The following KALRN variants were observed in gnomAD, a reference collection of about 807,000 sequenced individuals.
The protein encoded by KALRN is kalirin.
Under a neutral mutation model 353.7 loss-of-function variants are expected in KALRN, and 70 were observed. The observed-to-expected ratio is 0.20, with a 90% CI of 0.16 to 0.24. The LOEUF is 0.24. Ranked by LOEUF, KALRN falls within the 10% of genes least tolerant of loss-of-function variation. The probability of loss-of-function intolerance (pLI) is 1.00; values close to 1 mark genes in which losing one functional copy is unlikely to be tolerated. For missense variants in KALRN, 2,791 were observed against 3,756.7 expected (o/e 0.74, Z 6.72); for synonymous variants, 1,391 against 1,434.8 (o/e 0.97, Z 0.69).
In KALRN at chr3:124,314,077, A is replaced by G. The variant is rs192095911; in HGVS notation, c.1093-11903A>G. Among the ~76,000 whole-genome samples, 89 of 152,282 alleles carry G rather than the reference A, an allele frequency of 5.8e-4. No homozygotes were observed. The East Asian group carries it at 0.015, about 26-fold the overall frequency. ...TATGTTTATTGCGGCACTATTCACCATAGCAAAGACTTGGAACTAACCCAA... is the reference window on the plus strand; with the variant it reads ...TATGTTTATTGCGGCACTATTCACCGTAGCAAAGACTTGGAACTAACCCAA... On this transcript the variant is annotated intron_variant, in intron 6 of 59. Coordinates refer to ENST00000682506, the MANE Select transcript of KALRN (RefSeq NM_001388419.1).
At chr3:124,580,873 C>T (rs1021200047) in intron 34 of KALRN, among the ~76,000 whole-genome samples, 5 of 151,562 alleles carry the variant, frequency 3.3e-5, no homozygotes, top group South Asian at 2.1e-4. Context: ...TTTGGGAGGC[C>T]GAGGGGGGCA....
chr3:124,569,406 A>T (rs575638436), intron 34 of KALRN, among the ~76,000 whole-genome samples: 1 of 152,332 alleles, frequency 6.6e-6, no homozygotes, highest in African/African-American at 2.4e-5. Flanking sequence ...GGCAAGTTTG[A>T]TAATGTCGAC....
intron 23 of KALRN, among the ~76,000 whole-genome samples, chr3:124,461,249 A>AT (rs202028422): frequency 1.5e-4 from 23 of 151,550 alleles, no homozygotes; most frequent in South Asian, 1.3e-3. Context: ...AGCCACACTT[A>AT]TTTTTTTTTA....
intron 17 of KALRN, among the ~76,000 whole-genome samples, chr3:124,435,101 T>C (rs954985513): frequency 2.0e-5 from 3 of 152,242 alleles, no homozygotes; most frequent in African/African-American, 7.2e-5. Context: ...TCATATTCTC[T>C]TTCATCTCAT....
chr3:124,397,068 G>A, intron 12 of KALRN, among the ~76,000 whole-genome samples: 1 of 152,186 alleles, frequency 6.6e-6, no homozygotes, highest in Non-Finnish European at 1.5e-5. Flanking sequence ...GATTCCTAGT[G>A]AGTGTGACAC....
chr3:124,305,205 C>T (rs1443450635), intron 6 of KALRN, among the ~76,000 whole-genome samples: 3 of 152,194 alleles, frequency 2.0e-5, no homozygotes, highest in South Asian at 2.1e-4. Context: ...GAACTGATTT[C>T]ATGTGCAACA....
chr3:124,086,553 C>G (rs2060835282), intron 1 of KALRN, among the ~76,000 whole-genome samples: 1 of 151,994 alleles, frequency 6.6e-6, no homozygotes, highest in Non-Finnish European at 1.5e-5. Flanking sequence ...TTTCTAGGAA[C>G]TTTTTGTAAA....
chr3:124,666,333 C>A (rs1274480716), intron 45 of KALRN, 116 bp from the exon 46 acceptor site: 5 of 928,720 alleles, frequency 5.4e-6, no homozygotes, highest in Non-Finnish European at 8.2e-6. Context: ...AGCCCTGAGG[C>A]TTTTGTTGTC....
rs540803008 is a variant in KALRN at position 124,572,809 on chromosome 3, A to G, written c.5182+9720A>G. ...TCCCAACACTTTCAGAGGTTGAGGC[A>G]GGAGAACCTCTTGAGCCCAGGAGTT... On this transcript the variant is annotated intron_variant, in intron 34 of 59. Coordinates refer to ENST00000682506, the MANE Select transcript of KALRN (RefSeq NM_001388419.1). Among the ~76,000 whole-genome samples the G allele has an allele frequency of 8.5e-5, 13 of 152,318 alleles. No homozygotes were observed. In the Middle Eastern group the frequency reaches 0.02, roughly 239 times the overall value.
At chr3:124,204,841 C>T (rs1212616614) in intron 1 of KALRN, among the ~76,000 whole-genome samples, 3 of 152,210 alleles carry the variant, frequency 2.0e-5, no homozygotes, top group African/African-American at 7.2e-5. Flanking sequence ...CAGAATTTAA[C>T]TGCCTCCCCA....
At chr3:124,407,956 G>T (rs1173249324) in intron 13 of KALRN, among the ~76,000 whole-genome samples, 2 of 151,996 alleles carry the variant, frequency 1.3e-5, no homozygotes, top group African/African-American at 2.4e-5. Context: ...TGTATTTTTA[G>T]TAGAGACGGG....
At chr3:124,272,846 C>G (rs1308158894) in intron 5 of KALRN, among the ~76,000 whole-genome samples, 1 of 152,140 alleles carries the variant, frequency 6.6e-6, no homozygotes, top group African/African-American at 2.4e-5. Context: ...TATTTGGTGG[C>G]TTTGGAAGGG....
intron 1 of KALRN, among the ~76,000 whole-genome samples, chr3:124,205,688 A>G (rs2076350585): frequency 6.6e-6 from 1 of 152,196 alleles, no homozygotes; most frequent in South Asian, 2.1e-4. Context: ...GTTGAAAAAC[A>G]AGGTCAAATA....
At chr3:124,269,448 A>C (rs2073917736) in intron 5 of KALRN, among the ~76,000 whole-genome samples, 193 bp downstream of exon 5, 1 of 152,184 alleles carries the variant, frequency 6.6e-6, no homozygotes, top group African/African-American at 2.4e-5. Flanking sequence ...TGTTCTAAGC[A>C]CTGTGTGTAA....
At chr3:124,661,598 A>G (rs1457647538) in intron 44 of KALRN, among the ~76,000 whole-genome samples, 1 of 152,224 alleles carries the variant, frequency 6.6e-6, no homozygotes, top group African/African-American at 2.4e-5. Context: ...AAGGTAGGGA[A>G]AGGAGGGGCT....
chr3:124,716,264 TTGTA>T (rs2063128775), intron 58 of KALRN, among the ~76,000 whole-genome samples: 2 of 152,194 alleles, frequency 1.3e-5, no homozygotes, highest in African/African-American at 4.8e-5. Context: ...TGGCTCATGT[TTGTA>T]ATCCCACCGT....
chr3:124,442,997 GAAAAGAAAA>G (rs1393358835), intron 19 of KALRN, among the ~76,000 whole-genome samples: 2 of 151,086 alleles, frequency 1.3e-5, no homozygotes, highest in Admixed American at 6.6e-5. Flanking sequence ...AAAGAAAAAA[GAAAAGAAAA>G]AAAAGAAAAA....
chr3:124,273,688 A>G (rs2074400048), intron 5 of KALRN, among the ~76,000 whole-genome samples: 1 of 152,218 alleles, frequency 6.6e-6, no homozygotes, highest in African/African-American at 2.4e-5. Flanking sequence ...GAGAATGTTC[A>G]GAGAAGAGGG....
chr3:124,255,464 C>A (rs1437405711), intron 3 of KALRN, among the ~76,000 whole-genome samples: 2 of 152,168 alleles, frequency 1.3e-5, no homozygotes, highest in Non-Finnish European at 2.9e-5. Context: ...CTGGGCCAGC[C>A]ACAAAGTAAA....
Sources: gnomAD v4.1 joint callset for allele counts (sites outside exome capture counted in the v4.1 genomes callset) on GRCh38, gnomAD v4.1.1 for gene constraint, MANE v1.5 for transcripts, NCBI Gene and HGNC (gene_info 2026-07-23, HGNC 2026-07-21) for gene names.